The following LPP variants were observed in gnomAD, a reference collection of about 807,000 sequenced individuals.
LPP encodes lipoma-preferred partner.
A neutral mutation model predicts 60.4 loss-of-function variants in LPP; 38 were observed. That is an observed-to-expected ratio of 0.63 (90% CI 0.49 to 0.83). The LOEUF is 0.83. Ranked by LOEUF, LPP falls within the 40% of genes least tolerant of loss-of-function variation. The probability of loss-of-function intolerance (pLI) is 0.00; values close to 1 mark genes in which losing one functional copy is unlikely to be tolerated. For missense variants in LPP, 902 were observed against 783.6 expected, an observed-to-expected ratio of 1.15 and a Z score of -1.80; for synonymous variants, 328 against 290.8, an observed-to-expected ratio of 1.13 and a Z score of -1.30.
At chr3:188,425,797 C>A (rs950885899) in intron 4 of LPP, among the ~76,000 whole-genome samples, 3 of 151,802 alleles carry the variant, frequency 2.0e-5, no homozygotes, top group Non-Finnish European at 4.4e-5. Flanking sequence ...TGGTGATATC[C>A]CCTTTATCAT....
chr3:188,693,023 G>T (rs1335986132), intron 7 of LPP, among the ~76,000 whole-genome samples: 1 of 152,194 alleles, frequency 6.6e-6, no homozygotes, highest in Non-Finnish European at 1.5e-5. Context: ...TAGAATGATG[G>T]AGATGCAGAA....
intron 1 of LPP, among the ~76,000 whole-genome samples, chr3:188,224,191 C>A (rs73057629): frequency 0.017 from 2,532 of 152,106 alleles, 63 homozygotes; most frequent in African/African-American, 0.055. Flanking sequence ...CTGAAGAGGT[C>A]ACCTCCTTAC....
intron 9 of LPP, among the ~76,000 whole-genome samples, chr3:188,823,310 A>G (rs1264470694): frequency 6.6e-6 from 1 of 152,158 alleles, no homozygotes; most frequent in Non-Finnish European, 1.5e-5. Context: ...AGAGGTTCAT[A>G]TGGCTGCAGC....
At chr3:188,528,328 C>T (rs1205237667) in intron 6 of LPP, among the ~76,000 whole-genome samples, 1 of 152,040 alleles carries the variant, frequency 6.6e-6, no homozygotes, top group Non-Finnish European at 1.5e-5. Context: ...TGCCCTGCCC[C>T]TCCCCGCCCC....
At chr3:188,250,820 TTCTTTTTC>T (rs1729165427) in intron 2 of LPP, among the ~76,000 whole-genome samples, 7 of 147,638 alleles carry the variant, frequency 4.7e-5, no homozygotes, top group African/African-American at 1.6e-4. Context: ...CTTTCTTTCT[TTCTTTTTC>T]TTTCTTTCTT....
At chr3:188,604,801 T>C (rs1267993328) in intron 6 of LPP, among the ~76,000 whole-genome samples, 1 of 152,094 alleles carries the variant, frequency 6.6e-6, no homozygotes, top group Non-Finnish European at 1.5e-5. Context: ...CAGTCTCTAC[T>C]AGTATAGAAG....
At chr3:188,732,803 A>G (rs971620443) in intron 8 of LPP, among the ~76,000 whole-genome samples, 10 of 152,124 alleles carry the variant, frequency 6.6e-5, no homozygotes, top group African/African-American at 2.4e-4. Context: ...TCTTCATTAA[A>G]TTAAAATGAA....
intron 2 of LPP, among the ~76,000 whole-genome samples, chr3:188,253,391 A>T (rs548493849): frequency 6.6e-5 from 10 of 152,156 alleles, no homozygotes; most frequent in South Asian, 2.1e-4. Context: ...TCACATTTAG[A>T]TCTTTAATTC....
intron 6 of LPP, among the ~76,000 whole-genome samples, chr3:188,555,821 C>T (rs1463777969): frequency 6.6e-6 from 1 of 152,020 alleles, no homozygotes; most frequent in South Asian, 2.1e-4. Flanking sequence ...GGTACAAGGG[C>T]AGGCTCTTGA....
At chr3:188,331,304 C>T (rs1760011191) in intron 2 of LPP, among the ~76,000 whole-genome samples, 1 of 152,088 alleles carries the variant, frequency 6.6e-6, no homozygotes, top group Non-Finnish European at 1.5e-5. Flanking sequence ...TTGCAATGTC[C>T]ATCTTTTAAT....
chr3:188,621,478 T>G (rs898869347), intron 7 of LPP, among the ~76,000 whole-genome samples: 5 of 152,194 alleles, frequency 3.3e-5, no homozygotes, highest in Admixed American at 2.6e-4. Context: ...GCTCCATCTA[T>G]GTTGCTGCAA....
intron 6 of LPP, among the ~76,000 whole-genome samples, chr3:188,556,911 C>T (rs1457960190): frequency 6.6e-6 from 1 of 152,008 alleles, no homozygotes; most frequent in Non-Finnish European, 1.5e-5. Context: ...ACTTAAATTT[C>T]CTAAAATAAT....
intron 2 of LPP, among the ~76,000 whole-genome samples, chr3:188,280,948 T>C (rs920278214): frequency 5.9e-5 from 9 of 151,906 alleles, no homozygotes; most frequent in African/African-American, 2.2e-4. Flanking sequence ...TTTTTTTTTT[T>C]TTTTAAGAGG....
chr3:188,250,754 C>CTTTA, intron 2 of LPP, among the ~76,000 whole-genome samples: 1 of 114,672 alleles, frequency 8.7e-6, no homozygotes, highest in African/African-American at 4.0e-5. Context: ...TTCTTTCTTT[C>CTTTA]TTTCTTTCTT....
rs140325812 is a variant in LPP, at chr3:188,520,483, G to A, written c.307-4182G>A. Among the ~76,000 whole-genome samples the A allele has an allele frequency of 8.1e-3, 1,238 of 152,294 alleles. 14 individuals are homozygous for A. Among genetic ancestry groups the A allele is most frequent in the African/African-American group, 0.027 (1,141 of 41,578 alleles). On this transcript the variant is annotated intron_variant, in intron 5 of 11. Transcript: ENST00000617246. ...GAACAGTATAGGGGAAAATGCCCCC[G>A]TGATTCAATTATCTCCCACACGGTC...
Position 188,878,452 on chromosome 3 carries a change from T to C in LPP, c.*3973T>C, listed in dbSNP as rs1769504890. On this transcript the variant is annotated 3_prime_UTR_variant, in exon 12 of 12. Coordinates refer to ENST00000617246, the MANE Select transcript of LPP (RefSeq NM_001375462.1). The stretch of plus-strand genomic sequence containing the variant: ...TAGTTCAAACAAGCGATTGTCCATC[T>C]GTTGCCTAGAGCTATAGTACATGTG... 1 of 214,932 alleles carries C rather than the reference T, an allele frequency of 4.7e-6. No individual in the cohort carries two copies. Among genetic ancestry groups the C allele is most frequent in the African/African-American group, 2.3e-5 (1 of 44,334 alleles). 13.3% of individuals were successfully genotyped at this position (214,932 alleles called of 1,614,324 possible). A position where few individuals can be genotyped will look rare whatever the true frequency, so the allele number is the denominator to read the frequency against.
At chr3:188,531,416 A>G (rs926446360) in intron 6 of LPP, among the ~76,000 whole-genome samples, 12 of 150,244 alleles carry the variant, frequency 8.0e-5, no homozygotes, top group Admixed American at 4.0e-4. Context: ...GGAAATATCT[A>G]TTGTTTTGAT....
At chr3:188,829,263 C>T (rs1159060507) in intron 9 of LPP, among the ~76,000 whole-genome samples, 2 of 152,104 alleles carry the variant, frequency 1.3e-5, no homozygotes, top group African/African-American at 2.4e-5. Flanking sequence ...CTTCCCACCT[C>T]TTACGGGAAT....
intron 4 of LPP, among the ~76,000 whole-genome samples, chr3:188,445,042 G>A (rs550666087): frequency 6.6e-6 from 1 of 152,308 alleles, no homozygotes; most frequent in African/African-American, 2.4e-5. Context: ...GTTGGTGGGA[G>A]TGTAAATTAG....
Sources: allele counts gnomAD v4.1 joint callset (sites outside exome capture counted in the v4.1 genomes callset), GRCh38; gene constraint gnomAD v4.1.1; transcripts MANE v1.5; gene names NCBI Gene and HGNC (gene_info 2026-07-23, HGNC 2026-07-21).